The following NUS1 variants were observed in gnomAD, a reference collection of about 807,000 sequenced individuals.
NUS1 encodes dehydrodolichyl diphosphate synthase complex subunit NUS1.
For synonymous variants in NUS1, 135 were observed against 155.2 expected (o/e 0.87, Z 0.97); for missense variants, 292 against 382.9 (o/e 0.76, Z 1.98).
At chr6:117,683,396 TA>T (rs1191570126) in intron 1 of NUS1, among the ~76,000 whole-genome samples, 1 of 152,242 alleles carries the variant, frequency 6.6e-6, no homozygotes, top group Non-Finnish European at 1.5e-5. Context: ...TTCAGTCATG[TA>T]AAATTTTAAT....
At position 117,695,328 on chromosome 6, in the gene NUS1, C is replaced by A. The variant is rs888334334; in HGVS notation, c.691+1148C>A. On this transcript the variant is annotated intron_variant, in intron 3 of 4. Transcript: ENST00000368494. ...ACAGAGCAAAGTCCATCTCCCACTT[C>A]TTGGTTTCGCTAACTTCCTACTTTT... 4.0e-5 allele frequency among the ~76,000 whole-genome samples: 6 copies of A among 151,164 alleles called. No individual in the cohort carries two copies. The South Asian group carries it at 6.3e-4, about 16-fold the overall frequency.
chr6:117,676,143 G>A, intron 1 of NUS1, 58 bp downstream of exon 1: 2 of 1,548,176 alleles, frequency 1.3e-6, no homozygotes, highest in Non-Finnish European at 1.7e-6. Context: ...CTAGACCGCT[G>A]GTCTGGCGGG....
chr6:117,692,311 A>C (rs1467846114), intron 1 of NUS1, among the ~76,000 whole-genome samples: 1 of 152,106 alleles, frequency 6.6e-6, no homozygotes, highest in African/African-American at 2.4e-5. Context: ...GGCAATGGCT[A>C]CTAGAAAGCT....
intron 1 of NUS1, among the ~76,000 whole-genome samples, chr6:117,678,524 G>C (rs1773016157): frequency 1.3e-5 from 2 of 152,144 alleles, no homozygotes; most frequent in Admixed American, 1.3e-4. Context: ...AATGTTGAAA[G>C]TCAGTGGTGT....
chr6:117,685,217 A>G (rs1773119265), intron 1 of NUS1, among the ~76,000 whole-genome samples: 1 of 152,190 alleles, frequency 6.6e-6, no homozygotes, highest in Admixed American at 6.5e-5. Context: ...TGCTAGAATA[A>G]TATTCTTCTT....
rs1270055954 is a variant in NUS1, at chr6:117,708,397, T to G, written c.*1382T>G. The stretch of plus-strand genomic sequence containing the variant: ...TACAATACTTATCTAAAACTATACA[T>G]TTAGAATGGAGCAGTTTAATACTAG... On this transcript the variant is annotated 3_prime_UTR_variant, in exon 5 of 5. Transcript: ENST00000368494. 2 of 152,436 alleles carry G rather than the reference T, an allele frequency of 1.3e-5. No homozygotes were observed. Among genetic ancestry groups the G allele is most frequent in the Non-Finnish European group, 2.9e-5 (2 of 67,948 alleles). 9.4% of individuals were successfully genotyped at this position (152,436 alleles called of 1,614,324 possible). A position where few individuals can be genotyped will look rare whatever the true frequency, so the allele number is the denominator to read the frequency against.
At chr6:117,703,575 T>C in intron 3 of NUS1, 30 bp from the exon 4 acceptor site, 1 of 1,474,472 alleles carries the variant, frequency 6.8e-7, no homozygotes, top group Non-Finnish European at 9.5e-7. Context: ...CAGTGCATGT[T>C]AAGTTCATGT....
intron 1 of NUS1, among the ~76,000 whole-genome samples, chr6:117,676,483 C>A (rs1772983544): frequency 6.6e-6 from 1 of 152,142 alleles, no homozygotes; most frequent in South Asian, 2.1e-4. Context: ...GAGGCTGAGG[C>A]AGGAGAATCG....
At position 117,708,882 on chromosome 6, in the gene NUS1, A is replaced by C. The variant is rs930054504; in HGVS notation, c.*1867A>C. 5.3e-5 allele frequency: 8 copies of C among 152,198 alleles called. No homozygotes were observed. The highest frequency in any genetic ancestry group is 1.9e-4 in the African/African-American group (8 of 41,568). The allele number at this position is 152,198 out of a possible 1,614,324, so 9.4% of individuals were successfully genotyped here. On this transcript the variant is annotated 3_prime_UTR_variant, in exon 5 of 5. Transcript: ENST00000368494. The stretch of plus-strand genomic sequence containing the variant: ...GGACCTGATTAAAATGAAGGGATTT[A>C]ATCGTTGTTAAAGTTAAGTTAGTCA...
chr6:117,686,258 T>TAA (rs1028847521), intron 1 of NUS1, among the ~76,000 whole-genome samples: 1 of 142,702 alleles, frequency 7.0e-6, no homozygotes, highest in Non-Finnish European at 1.5e-5. Context: ...AGATTCCGTC[T>TAA]AAAAAAAAAA....
intron 3 of NUS1, 124 bp downstream of exon 3, chr6:117,694,304 C>G (rs1004827272): frequency 8.4e-6 from 4 of 477,460 alleles, no homozygotes; most frequent in Non-Finnish European, 1.4e-5. Context: ...AAGCCTGATT[C>G]TTTTGTTGTT....
At chr6:117,701,621 G>A (rs1389785870) in intron 3 of NUS1, among the ~76,000 whole-genome samples, 1 of 152,000 alleles carries the variant, frequency 6.6e-6, no homozygotes, top group African/African-American at 2.4e-5. Context: ...TTTACTCCTA[G>A]GTATTCTTTT....
rs1371544648 is a variant in NUS1, at chr6:117,693,187, T to G, written c.541+20T>G. ...ATCAAGGTAAGCATGAGTGTATAAT[T>G]GAACATGTAACATATGAAGATGTGT... On this transcript the variant is annotated intron_variant, in intron 2 of 4. Transcript: ENST00000368494. 6.2e-7 allele frequency: 1 copy of G among 1,602,828 alleles called. No homozygotes were observed. Among genetic ancestry groups the G allele is most frequent in the East Asian group, 2.2e-5 (1 of 44,646 alleles).
intron 1 of NUS1, among the ~76,000 whole-genome samples, chr6:117,688,149 G>A (rs2114683217): frequency 6.6e-6 from 1 of 152,350 alleles, no homozygotes; most frequent in Middle Eastern, 3.4e-3. Context: ...CAAGCCTAGA[G>A]GCTGGAGGCT....
chr6:117,678,179 G>C (rs1446889821), intron 1 of NUS1, among the ~76,000 whole-genome samples: 1 of 152,144 alleles, frequency 6.6e-6, no homozygotes, highest in Non-Finnish European at 1.5e-5. Context: ...GAACTGAAAG[G>C]CACCTTAAGG....
intron 1 of NUS1, among the ~76,000 whole-genome samples, chr6:117,685,470 C>G (rs1411835211): frequency 6.6e-6 from 1 of 151,788 alleles, no homozygotes; most frequent in African/African-American, 2.4e-5. Context: ...CCTTGAACTC[C>G]TGGGCAGCCT....
chr6:117,683,839 GA>G (rs1409320213), intron 1 of NUS1, among the ~76,000 whole-genome samples: 1 of 152,088 alleles, frequency 6.6e-6, no homozygotes, highest in Non-Finnish European at 1.5e-5. Flanking sequence ...AGTATTTGAG[GA>G]ATGCAGATAA....
At chr6:117,694,895 AT>A (rs1304435138) in intron 3 of NUS1, among the ~76,000 whole-genome samples, 1 of 152,126 alleles carries the variant, frequency 6.6e-6, no homozygotes, top group African/African-American at 2.4e-5. Flanking sequence ...CCATTTACTT[AT>A]TAATCGTGCA....
intron 1 of NUS1, among the ~76,000 whole-genome samples, chr6:117,687,749 AT>A (rs1208330235): frequency 6.6e-6 from 1 of 152,224 alleles, no homozygotes; most frequent in Non-Finnish European, 1.5e-5. Context: ...GCATGGAAGC[AT>A]AGGCTGGAAT....
Sources: allele counts gnomAD v4.1 joint callset (sites outside exome capture counted in the v4.1 genomes callset), GRCh38; gene constraint gnomAD v4.1.1; transcripts MANE v1.5; gene names NCBI Gene and HGNC (gene_info 2026-07-23, HGNC 2026-07-21).